The following ARK2N variants were observed in gnomAD, a reference collection of about 807,000 sequenced individuals.
The protein encoded by ARK2N is arkadia (RNF111) N-terminal like PKA signaling regulator 2N.
chr18:46,211,853 A>G, the ARK2N span, among the ~76,000 whole-genome samples: 1 of 152,212 alleles, frequency 6.6e-6, no homozygotes. Flanking sequence ...CTTTTATGCC[A>G]TTTATGTGAT....
the ARK2N span, among the ~76,000 whole-genome samples, chr18:46,205,490 G>C: frequency 1.3e-5 from 2 of 152,150 alleles, no homozygotes; most frequent in Non-Finnish European, 2.9e-5. Flanking sequence ...TGTTTTCTCT[G>C]TGTTTTACGG....
chr18:46,255,556 A>G, the ARK2N span, among the ~76,000 whole-genome samples: 1 of 143,514 alleles, frequency 7.0e-6, no homozygotes, highest in African/African-American at 2.6e-5. Context: ...GGTTCAAGCA[A>G]TTCTCCTGTC....
chr18:46,245,306 G>A, the ARK2N span, among the ~76,000 whole-genome samples: 2,031 of 152,076 alleles, frequency 0.013, 48 homozygotes, highest in African/African-American at 0.047. Context: ...TGTGGCTCAC[G>A]CCTATAATCC....
chr18:46,194,316 A>G, the ARK2N span, among the ~76,000 whole-genome samples: 1 of 151,242 alleles, frequency 6.6e-6, no homozygotes, highest in Admixed American at 6.6e-5. Flanking sequence ...AGATTCTTTA[A>G]TAGGCCAGGT....
the ARK2N span, among the ~76,000 whole-genome samples, chr18:46,188,493 C>T: frequency 6.6e-6 from 1 of 152,020 alleles, no homozygotes; most frequent in South Asian, 2.1e-4. Flanking sequence ...TGAGCCGCGA[C>T]ATGTGGCGGC....
At chr18:46,241,609 G>C in the ARK2N span, among the ~76,000 whole-genome samples, 16 of 151,578 alleles carry the variant, frequency 1.1e-4, no homozygotes, top group Non-Finnish European at 2.1e-4. Context: ...TGGGCGTGGT[G>C]GTGGGCGCCT....
chr18:46,217,856 A>C, the ARK2N span: 19 of 152,158 alleles, frequency 1.2e-4, no homozygotes, highest in African/African-American at 4.6e-4. Context: ...AATGAAGCTC[A>C]TCAGTTAAAT....
the ARK2N span, among the ~76,000 whole-genome samples, chr18:46,191,239 G>A: frequency 1.3e-4 from 20 of 152,078 alleles, no homozygotes; most frequent in Admixed American, 1.2e-3. Flanking sequence ...TTAACAGAAA[G>A]TACAGACGGT....
the ARK2N span, chr18:46,216,733 C>T: frequency 1.4e-6 from 1 of 735,268 alleles, no homozygotes; most frequent in African/African-American, 1.8e-5. This position sits in a 1 kb window ranked among gnomAD's most constrained non-coding sequence, Gnocchi z 4.3. Context: ...AGTCTATTAA[C>T]AAGACATGGC....
At chr18:46,197,736 CTT>C in the ARK2N span, among the ~76,000 whole-genome samples, 1 of 151,850 alleles carries the variant, frequency 6.6e-6, no homozygotes, top group Admixed American at 6.6e-5. Flanking sequence ...TGTAGACTCT[CTT>C]TTCAAAAAGG....
At chr18:46,248,562 A>C in the ARK2N span, among the ~76,000 whole-genome samples, 3 of 151,928 alleles carry the variant, frequency 2.0e-5, no homozygotes, top group African/African-American at 7.3e-5. Context: ...AGGCTTTTCT[A>C]TACTCTTTAT....
chr18:46,259,745 A>G, the ARK2N span, among the ~76,000 whole-genome samples: 48 of 117,714 alleles, frequency 4.1e-4, no homozygotes, highest in Non-Finnish European at 7.5e-4. Flanking sequence ...AGCTGGGACT[A>G]TGGGTGCCCA....
the ARK2N span, among the ~76,000 whole-genome samples, chr18:46,190,931 GT>G: frequency 1.3e-5 from 2 of 151,944 alleles, no homozygotes; most frequent in South Asian, 2.1e-4. Flanking sequence ...ATCATCTGTG[GT>G]TTTTTTTAAA....
chr18:46,224,937 A>G, the ARK2N span, among the ~76,000 whole-genome samples: 1 of 152,238 alleles, frequency 6.6e-6, no homozygotes, highest in Admixed American at 6.5e-5. Context: ...AGGTGCCTTC[A>G]GTCATGCTGC....
the ARK2N span, chr18:46,228,966 A>G: frequency 2.5e-6 from 1 of 392,292 alleles, no homozygotes; most frequent in Non-Finnish European, 4.5e-6. Flanking sequence ...TTTTCTACAA[A>G]ATTTTGAGGA....
the ARK2N span, chr18:46,253,821 A>C: frequency 6.2e-7 from 1 of 1,607,492 alleles, no homozygotes; most frequent in South Asian, 1.1e-5. Flanking sequence ...AGGAACATGC[A>C]AGGTAGGATA....
chr18:46,197,765 A>G, the ARK2N span, among the ~76,000 whole-genome samples: 1,745 of 152,288 alleles, frequency 0.011, 58 homozygotes, highest in East Asian at 0.12. Context: ...CAAGAAGTAC[A>G]CTGGAGTCAC....
At chr18:46,211,135 C>A in the ARK2N span, among the ~76,000 whole-genome samples, 2,943 of 152,126 alleles carry the variant, frequency 0.019, 75 homozygotes, top group African/African-American at 0.06. Flanking sequence ...AAAATTAGGG[C>A]CAAAATATGT....
the ARK2N span, among the ~76,000 whole-genome samples, chr18:46,175,546 T>C: frequency 6.6e-6 from 1 of 151,886 alleles, no homozygotes; most frequent in Admixed American, 6.5e-5. Flanking sequence ...CAATTGATAG[T>C]TACTGCCTGA....
Sources: allele counts gnomAD v4.1 joint callset (sites outside exome capture counted in the v4.1 genomes callset), GRCh38; gene constraint gnomAD v4.1.1; non-coding constraint Gnocchi (gnomAD v3.1); transcripts MANE v1.5; gene names NCBI Gene and HGNC (gene_info 2026-07-23, HGNC 2026-07-21).